The following PCDH9 variants were observed in gnomAD, a reference collection of about 807,000 sequenced individuals.
PCDH9 encodes protocadherin 9.
PCDH9 carries 24 observed loss-of-function variants against 70.6 expected under a neutral mutation model. The observed-to-expected ratio is 0.34, with a 90% CI of 0.25 to 0.48. The LOEUF (loss-of-function observed/expected upper bound fraction) is 0.48. PCDH9 is among the 20% of genes least tolerant of loss of function. The probability of loss-of-function intolerance (pLI) is 0.99; values close to 1 mark genes in which losing one functional copy is unlikely to be tolerated. For synonymous variants in PCDH9, 562 were observed against 558.5 expected, an observed-to-expected ratio of 1.01 and a Z score of -0.09; for missense variants, 1,281 against 1,503.6, an observed-to-expected ratio of 0.85 and a Z score of 2.45.
At chr13:66,730,862 T>TGTGTG (rs1273036216) in intron 3 of PCDH9, among the ~76,000 whole-genome samples, 1 of 87,914 alleles carries the variant, frequency 1.1e-5, no homozygotes, top group Non-Finnish European at 2.2e-5. Flanking sequence ...GTTTTTGTTT[T>TGTGTG]TTTGTGTGTG....
At chr13:66,431,336 A>AG (rs1957767762) in intron 4 of PCDH9, among the ~76,000 whole-genome samples, 1 of 152,072 alleles carries the variant, frequency 6.6e-6, no homozygotes, top group Non-Finnish European at 1.5e-5. Context: ...AAGTATTAAT[A>AG]TCTTGATTTA....
intron 2 of PCDH9, among the ~76,000 whole-genome samples, chr13:67,081,081 G>GA (rs554382674): frequency 6.6e-6 from 1 of 151,916 alleles, no homozygotes; most frequent in African/African-American, 2.4e-5. Context: ...ATATAATTTT[G>GA]AAAAAAAGAT....
At chr13:66,927,227 T>C (rs574340232) in intron 2 of PCDH9, among the ~76,000 whole-genome samples, 19 of 151,906 alleles carry the variant, frequency 1.3e-4, no homozygotes, top group Non-Finnish European at 2.1e-4. Flanking sequence ...TAAAAATGAA[T>C]AAGATCATGT....
intron 2 of PCDH9, among the ~76,000 whole-genome samples, chr13:66,907,004 G>A (rs2082373137): frequency 6.6e-6 from 1 of 152,032 alleles, no homozygotes; most frequent in Admixed American, 6.6e-5. Context: ...TCAGGAGTTT[G>A]AGACCAGCCT....
At chr13:66,509,967 C>A (rs556384675) in intron 4 of PCDH9, among the ~76,000 whole-genome samples, 1 of 152,166 alleles carries the variant, frequency 6.6e-6, no homozygotes, top group Non-Finnish European at 1.5e-5. Flanking sequence ...TTTTCACATG[C>A]GCTTTCAAGG....
chr13:66,494,578 TCA>T (rs960517920), intron 4 of PCDH9, among the ~76,000 whole-genome samples: 1 of 152,148 alleles, frequency 6.6e-6, no homozygotes, highest in Non-Finnish European at 1.5e-5. Context: ...TCTCTGTCTC[TCA>T]CTCTCTCCAT....
intron 2 of PCDH9, among the ~76,000 whole-genome samples, chr13:66,925,953 G>C (rs751528806): frequency 2.0e-5 from 3 of 151,862 alleles, no homozygotes; most frequent in Non-Finnish European, 4.4e-5. Flanking sequence ...AGATTATTTT[G>C]TTTCCTAAAG....
intron 4 of PCDH9, among the ~76,000 whole-genome samples, chr13:66,409,428 G>C (rs1957335270): frequency 6.6e-6 from 1 of 152,008 alleles, no homozygotes; most frequent in Non-Finnish European, 1.5e-5. Context: ...AACACATTTT[G>C]CATTGCAAAG....
At chr13:66,683,027 T>C (rs1438068658) in intron 3 of PCDH9, among the ~76,000 whole-genome samples, 1 of 152,170 alleles carries the variant, frequency 6.6e-6, no homozygotes, top group East Asian at 1.9e-4. Flanking sequence ...GTTGGGAACA[T>C]TTTATAGTGC....
At chr13:66,439,273 G>A (rs1048530780) in intron 4 of PCDH9, among the ~76,000 whole-genome samples, 1 of 152,132 alleles carries the variant, frequency 6.6e-6, no homozygotes, top group Non-Finnish European at 1.5e-5. Flanking sequence ...AACTTCAGAA[G>A]AAAATTTAAT....
At chr13:66,509,294 G>A (rs1217672842) in intron 4 of PCDH9, among the ~76,000 whole-genome samples, 4 of 151,994 alleles carry the variant, frequency 2.6e-5, no homozygotes, top group Non-Finnish European at 5.9e-5. Flanking sequence ...TCACAACCCA[G>A]ACAATGTCTT....
intron 2 of PCDH9, among the ~76,000 whole-genome samples, chr13:67,190,284 A>C (rs2088875109): frequency 6.6e-6 from 1 of 151,976 alleles, no homozygotes; most frequent in African/African-American, 2.4e-5. Flanking sequence ...AACATTAGAG[A>C]CGCAGAAAAC....
rs540285722 is a variant in PCDH9 at position 66,746,984 on chromosome 13, A to G, written c.3139-115573T>C. Among the ~76,000 whole-genome samples, 5 of 136,630 alleles carry G rather than the reference A, an allele frequency of 3.7e-5. No homozygotes were observed. In the South Asian group the frequency reaches 9.9e-4, roughly 27 times the overall value. The allele number at this position is 136,630 out of a possible 152,430, so 89.6% of individuals were successfully genotyped here. A position where few individuals can be genotyped will look rare whatever the true frequency, so the allele number is the denominator to read the frequency against. ...TTTTTTCCTAAATATCAGTGTAAGC[A>G]TATCATTTTAAACATTTTATTCAAA... On this transcript the variant is annotated intron_variant, in intron 3 of 4. Coordinates refer to ENST00000377865, the MANE Select transcript of PCDH9 (RefSeq NM_203487.3).
intron 2 of PCDH9, among the ~76,000 whole-genome samples, chr13:66,909,291 A>T (rs983741469): frequency 2.0e-5 from 3 of 152,216 alleles, no homozygotes; most frequent in Non-Finnish European, 4.4e-5. Flanking sequence ...GATTAAAAAA[A>T]ATCATAGATT....
intron 2 of PCDH9, among the ~76,000 whole-genome samples, chr13:66,990,512 G>A (rs2139796238): frequency 6.7e-6 from 1 of 149,920 alleles, no homozygotes; most frequent in African/African-American, 2.4e-5. Flanking sequence ...TATATCATTA[G>A]TATATCATAT....
chr13:66,696,965 G>T (rs2078572023), intron 3 of PCDH9, among the ~76,000 whole-genome samples: 1 of 151,782 alleles, frequency 6.6e-6, no homozygotes. Context: ...AGGCATGGTG[G>T]TATGTACCTG....
rs141622562 is a variant in PCDH9 at position 66,894,750 on chromosome 13, G to A, written c.3138+8754C>T. Among the ~76,000 whole-genome samples the A allele has an allele frequency of 1.4e-4, 22 of 151,966 alleles. No homozygotes were observed. In the East Asian group the frequency reaches 4.3e-3, roughly 29 times the overall value. ...TTTTAAGTTTAAAATATCACTCACT[G>A]TTAGGATTTGTAAAACCTCTAATAT... On this transcript the variant is annotated intron_variant, in intron 3 of 4. Coordinates refer to ENST00000377865, the MANE Select transcript of PCDH9 (RefSeq NM_203487.3).
intron 2 of PCDH9, among the ~76,000 whole-genome samples, chr13:67,118,257 C>T (rs998580847): frequency 1.3e-5 from 2 of 152,170 alleles, no homozygotes; most frequent in Non-Finnish European, 2.9e-5. Flanking sequence ...CTTGGTACTA[C>T]TAGCAGGAGT....
chr13:67,013,227 G>A (rs920233202), intron 2 of PCDH9, among the ~76,000 whole-genome samples: 7 of 149,636 alleles, frequency 4.7e-5, no homozygotes, highest in African/African-American at 1.5e-4. Flanking sequence ...ACAGTTTTTC[G>A]AGGCCATATC....
Sources: allele counts gnomAD v4.1 joint callset (sites outside exome capture counted in the v4.1 genomes callset), GRCh38; gene constraint gnomAD v4.1.1; transcripts MANE v1.5; gene names NCBI Gene and HGNC (gene_info 2026-07-23, HGNC 2026-07-21).